The following ITGA3 variants were observed in gnomAD, a reference collection of about 807,000 sequenced individuals.
ITGA3 encodes integrin alpha-3.
Under a neutral mutation model 131.1 loss-of-function variants are expected in ITGA3, and 70 were observed. That is an observed-to-expected ratio of 0.53 (90% CI 0.44 to 0.65). The LOEUF is 0.65. ITGA3 is among the 30% of genes least tolerant of loss of function. The pLI, the probability that ITGA3 is intolerant of heterozygous loss-of-function variation, is 0.00. For missense variants in ITGA3, 1,098 were observed against 1,388.6 expected, an observed-to-expected ratio of 0.79 and a Z score of 3.33; for synonymous variants, 537 against 571.6, an observed-to-expected ratio of 0.94 and a Z score of 0.86.
At chr17:50,074,829 G>A (rs987396128) in intron 10 of ITGA3, among the ~76,000 whole-genome samples, 6 of 152,176 alleles carry the variant, frequency 3.9e-5, no homozygotes, top group African/African-American at 9.7e-5. Context: ...AAAGGGGGAC[G>A]CATTTAAGTG....
At chr17:50,076,796 G>A in intron 14 of ITGA3, 115 bp downstream of exon 14, 2 of 1,172,500 alleles carry the variant, frequency 1.7e-6, no homozygotes, top group Non-Finnish European at 2.5e-6. Flanking sequence ...GGGCTTTAGC[G>A]GGAACAGGTG....
chr17:50,060,799 G>A (rs943583818), intron 1 of ITGA3, among the ~76,000 whole-genome samples: 1 of 152,194 alleles, frequency 6.6e-6, no homozygotes, highest in Non-Finnish European at 1.5e-5. Flanking sequence ...CTGAGGGGAT[G>A]GGTTCAGTAC....
intron 24 of ITGA3, 67 bp from the exon 25 acceptor site, chr17:50,088,158 G>C: frequency 6.6e-7 from 1 of 1,506,408 alleles, no homozygotes; most frequent in Non-Finnish European, 8.9e-7. Flanking sequence ...CCTGGTCCAC[G>C]AGTGCTGCTG....
At position 50,056,436 on chromosome 17, in the gene ITGA3, AGCC is replaced by A. The variant is rs895834773; in HGVS notation, c.-3_-1del. The A allele has an allele frequency of 1.8e-5, 26 of 1,484,050 alleles. No homozygotes were observed. In the African/African-American group the frequency reaches 3.7e-4, roughly 21 times the overall value. 91.9% of individuals were successfully genotyped at this position (1,484,050 alleles called of 1,614,324 possible). On this transcript the variant is annotated 5_prime_UTR_variant, in exon 1 of 26. Transcript: ENST00000320031. The surrounding 1 kb of genome is among the most constrained non-coding windows in gnomAD (Gnocchi z 5.6). ...TCGCCGGGACCCCGCTTCCGCTGGC[AGCC>A]ATGGGCCCCGGCCCCAGCCGCGCGC...
At chr17:50,087,692 G>C in intron 23 of ITGA3, 52 bp from the exon 24 acceptor site, 1 of 1,575,366 alleles carries the variant, frequency 6.3e-7, no homozygotes, top group East Asian at 2.3e-5. Flanking sequence ...GAAGGGTGAG[G>C]ATGGGCCTAA....
intron 9 of ITGA3, 80 bp downstream of exon 9, chr17:50,074,360 G>A (rs941867188): frequency 3.1e-6 from 5 of 1,600,044 alleles, no homozygotes; most frequent in Non-Finnish European, 4.3e-6. Context: ...GTCCATGTTT[G>A]CGCTAGCTCC....
In ITGA3 at chr17:50,071,448, G is replaced by A. The variant is rs1908628714; in HGVS notation, c.889G>A (p.Val297Met). ...EAGGDLRRRQVLEGSQVGAYF... is the reference protein window; with the variant it reads ...EAGGDLRRRQMLEGSQVGAYF... ...AGGCGGAGACCTGCGGAGGAGGCAG[G>A]TGCTGGAGGGCTCGCAGGTGGGCGC... Residue 297 changes from valine (V) to methionine (M), a missense_variant, in exon 6 of 26, where the codon GTG becomes ATG. Val to Met is a conservative substitution (Grantham distance 21). Transcript: ENST00000320031. 2 of 1,613,856 alleles carry A rather than the reference G, an allele frequency of 1.2e-6. No individual in the cohort carries two copies. The highest frequency in any genetic ancestry group is 1.7e-6 in the Non-Finnish European group (2 of 1,180,026).
chr17:50,066,582 C>G (rs1445119462), intron 3 of ITGA3, among the ~76,000 whole-genome samples: 1 of 152,066 alleles, frequency 6.6e-6, no homozygotes, highest in Non-Finnish European at 1.5e-5. Context: ...TGTGATCAAC[C>G]TGGGCAACAC....
chr17:50,076,321 C>T lies in ITGA3; in HGVS notation c.1675-5C>T, dbSNP rs1363015220. The stretch of plus-strand genomic sequence containing the variant: ...GGCCGGGCTCAGCTCACCCTCTCTC[C>T]CCAGGACAACCTCCGTGACAAACTC... On this transcript the variant is annotated splice_region_variant and splice_polypyrimidine_tract_variant and intron_variant, in intron 12 of 25. Transcript: ENST00000320031. 1.1e-5 allele frequency: 18 copies of T among 1,612,826 alleles called. No homozygotes were observed. The highest frequency in any genetic ancestry group is 1.5e-5 in the Non-Finnish European group (18 of 1,179,586).
chr17:50,084,693 G>T (rs1035683106), intron 23 of ITGA3, among the ~76,000 whole-genome samples: 2 of 152,156 alleles, frequency 1.3e-5, no homozygotes, highest in Non-Finnish European at 2.9e-5. Context: ...GCCAAGGTAG[G>T]AGGATCGCTT....
chr17:50,073,956 G>A lies in ITGA3; in HGVS notation c.1197G>A (p.Val399=). 6.2e-7 allele frequency: 1 copy of A among 1,614,162 alleles called. No individual in the cohort carries two copies. Among genetic ancestry groups the A allele is most frequent in the Non-Finnish European group, 8.5e-7 (1 of 1,180,004 alleles). The change falls in exon 8 of 26, where the codon GTG becomes GTA. Residue 399 remains valine (V), a synonymous_variant. Transcript: ENST00000320031. ...CTCCGTTTGAAGGCTTGGGCAAAGTGTACATCTATCACAGTAGCTCTAAGG... is the reference window on the plus strand; with the variant it reads ...CTCCGTTTGAAGGCTTGGGCAAAGTATACATCTATCACAGTAGCTCTAAGG... ...VGAPFEGLGK[V]YIYHSSSKGL... is the part of the protein sequence containing the mutation.
intron 21 of ITGA3, 99 bp from the exon 22 acceptor site, chr17:50,080,163 G>A (rs185276016): frequency 1.5e-6 from 1 of 685,188 alleles, no homozygotes; most frequent in East Asian, 2.8e-5. Flanking sequence ...GTCACCCAGG[G>A]GTGAGACAAA....
chr17:50,084,688 G>A (rs1824668995), intron 23 of ITGA3, among the ~76,000 whole-genome samples: 1 of 152,154 alleles, frequency 6.6e-6, no homozygotes, highest in Non-Finnish European at 1.5e-5. Flanking sequence ...GGGAGGCCAA[G>A]GTAGGAGGAT....
intron 23 of ITGA3, among the ~76,000 whole-genome samples, chr17:50,085,028 C>T (rs1909326959): frequency 6.6e-6 from 1 of 151,760 alleles, no homozygotes. Context: ...GCCTGGCCAA[C>T]ATGGTGAAAC....
chr17:50,074,387 C>T (rs974629804), intron 9 of ITGA3, 61 bp from the exon 10 acceptor site: 2 of 1,598,826 alleles, frequency 1.3e-6, no homozygotes, highest in African/African-American at 2.7e-5. Context: ...GCCTGGGCCC[C>T]AACTCTGGCC....
intron 16 of ITGA3, 151 bp from the exon 17 acceptor site, chr17:50,077,895 G>A (rs1445064588): frequency 1.1e-5 from 7 of 615,958 alleles, no homozygotes; most frequent in Non-Finnish European, 1.7e-5. Flanking sequence ...GGCAGAGGTG[G>A]GGTGGGGAGG....
In ITGA3 at chr17:50,075,662, G is replaced by A. The variant is rs770339899; in HGVS notation, c.1601G>A (p.Ser534Asn). 1 of 1,614,216 alleles carries A rather than the reference G, an allele frequency of 6.2e-7. No homozygotes were observed. The highest frequency in any genetic ancestry group is 1.1e-5 in the South Asian group (1 of 91,084). The change falls in exon 12 of 26, where the codon AGT becomes AAT. Residue 534 changes from serine (S) to asparagine (N), a missense_variant. Around this residue, in one of 3 missense-constraint regions of ITGA3, gnomAD observed 699 missense variants for 829.2 expected, o/e 0.84. Transcript: ENST00000320031. ...RRPPRLRFAG[S>N]ESAVFHGFFS... ...CCGCCCCGGCTCCGCTTTGCCGGCA[G>A]TGAGTCCGCTGTCTTCCACGGCTTC...
rs756506968 is a variant in ITGA3 at position 50,064,088 on chromosome 17, G to T, written c.218G>T (p.Gly73Val). 2.5e-6 allele frequency: 4 copies of T among 1,612,684 alleles called. No homozygotes were observed. The Admixed American group carries it at 6.7e-5, about 27-fold the overall frequency. ...ERQQRYLLLA[G>V]APRELAVPDG... ...GTCCCTATCCCCAGGCTCCTGGCTG[G>T]TGCCCCCCGGGAGCTCGCTGTGCCC... is the stretch of plus-strand genomic sequence containing the variant. The change falls in exon 2 of 26, where the codon GGT (glycine) becomes GTT (valine). Residue 73 changes from glycine to valine, a missense_variant. Transcript: ENST00000320031. This position sits in a 1 kb window ranked among gnomAD's most constrained non-coding sequence, Gnocchi z 4.4.
At chr17:50,074,345 T>C (rs576406968) in intron 9 of ITGA3, 65 bp downstream of exon 9, 101 of 1,604,546 alleles carry the variant, frequency 6.3e-5, no homozygotes, top group Non-Finnish European at 6.2e-5. Context: ...CAGATTCCCA[T>C]CTGTGTCCAT....
Sources: gnomAD v4.1 joint callset for allele counts (sites outside exome capture counted in the v4.1 genomes callset) on GRCh38, gnomAD v4.1.1 for gene constraint, gnomAD v4.1.1 regional missense constraint, Gnocchi (gnomAD v3.1) non-coding constraint, MANE v1.5 for transcripts, NCBI Gene and HGNC (gene_info 2026-07-23, HGNC 2026-07-21) for gene names.